Variants in IDH3B observed in about 807,000 individuals in gnomAD.
IDH3B encodes the protein isocitrate dehydrogenase [NAD] subunit beta, mitochondrial.
Under a neutral mutation model 47.5 loss-of-function variants are expected in IDH3B, and 40 were observed. The ratio of observed to expected loss-of-function variants is 0.84; its 90% CI spans 0.65 to 1.10. IDH3B has a LOEUF of 1.10. IDH3B is among the 50% of genes least tolerant of loss of function. IDH3B has a pLI of 0.00. For synonymous variants in IDH3B, 185 were observed against 191.0 expected (o/e 0.97, Z 0.26); for missense variants, 450 against 505.2 (o/e 0.89, Z 1.05).
rs1217066042 is a variant in IDH3B at position 2,660,260 on chromosome 20, C to T, written c.768+3G>A. 1.2e-6 allele frequency: 2 copies of T among 1,614,142 alleles called. No homozygotes were observed. Among genetic ancestry groups the T allele is most frequent in the Admixed American group, 1.7e-5 (1 of 60,028 alleles). The stretch of plus-strand genomic sequence containing the variant: ...CATGAGTAGAGATGTGGGGAGGCCT[C>T]ACCTGCATGCAGCAGTTGTCTATGA... On this transcript the variant is annotated splice_donor_region_variant and intron_variant, in intron 8 of 11. Transcript: ENST00000380843. This position sits in a 1 kb window ranked among gnomAD's most constrained non-coding sequence, Gnocchi z 5.6.
At chr20:2,659,391 A>G in intron 11 of IDH3B, 134 bp downstream of exon 11, 1 of 1,551,338 alleles carries the variant, frequency 6.4e-7, no homozygotes, top group Non-Finnish European at 8.9e-7. Flanking sequence ...GGATGCAGGG[A>G]TGTCAGGGAG....
chr20:2,659,686 T>C lies in IDH3B; in HGVS notation c.1010+13A>G, dbSNP rs754336674. 6.2e-7 allele frequency: 1 copy of C among 1,613,010 alleles called. No homozygotes were observed. The highest frequency in any genetic ancestry group is 8.5e-7 in the Non-Finnish European group (1 of 1,179,034). On this transcript the variant is annotated intron_variant, in intron 10 of 11. Transcript: ENST00000380843. Reference sequence around the variant, plus strand: ...CGACACCCAACCTCTGCCGACAGCCTCCCATGACCTACTTAAGATGCCGCA... The same window carrying C: ...CGACACCCAACCTCTGCCGACAGCCCCCCATGACCTACTTAAGATGCCGCA...
chr20:2,660,540 A>T lies in IDH3B; in HGVS notation c.582T>A (p.Ser194=). ...ECLKIVTRAK[S]QRIAKFAFDY... The stretch of plus-strand genomic sequence containing the variant: ...CAAAGGCGAACTTTGCAATCCGCTG[A>T]GACTTGGCTCGTGTGACAATCTTCA... Residue 194 remains serine (S), a synonymous_variant, in exon 7 of 12, where the codon TCT becomes TCA. Transcript: ENST00000380843. The surrounding 1 kb of genome is among the most constrained non-coding windows in gnomAD (Gnocchi z 5.6). 6.2e-7 allele frequency: 1 copy of T among 1,614,130 alleles called. No individual in the cohort carries two copies. Among genetic ancestry groups the T allele is most frequent in the Non-Finnish European group, 8.5e-7 (1 of 1,180,018 alleles).
At chr20:2,659,831 C>G in intron 9 of IDH3B, 38 bp from the exon 10 acceptor site, 1 of 1,528,522 alleles carries the variant, frequency 6.5e-7, no homozygotes, top group South Asian at 1.1e-5. Flanking sequence ...TGGGAGGAGG[C>G]AGGAGGGGTA....
chr20:2,658,950 AAG>A (rs2086878914), intron 11 of IDH3B, 113 bp from the exon 12 acceptor site: 1 of 1,531,698 alleles, frequency 6.5e-7, no homozygotes, highest in South Asian at 1.2e-5. Flanking sequence ...AGCCAGAAAA[AAG>A]GCAATGCACA....
intron 4 of IDH3B, among the ~76,000 whole-genome samples, chr20:2,663,019 C>T (rs1217039043): frequency 6.6e-6 from 1 of 151,580 alleles, no homozygotes; most frequent in Non-Finnish European, 1.5e-5. Flanking sequence ...CGCAGCTACT[C>T]AGGAGGCTGA....
rs866632435 is a variant in IDH3B, at chr20:2,658,759, C to T, written c.1150G>A (p.Gly384Arg). ...GGAAGAAATAAAGGGCTCTAGCTCCCTTTAGTCTGCAGGTGACCGATGACA... is the reference window on the plus strand; with the variant it reads ...GGAAGAAATAAAGGGCTCTAGCTCCTTTTAGTCTGCAGGTGACCGATGACA... Reference protein sequence around the residue: ...KSVIGHLQTKGS With the variant: ...KSVIGHLQTKRS Residue 384 changes from glycine to arginine, a missense_variant, in exon 12 of 12, where the codon GGG becomes AGG. Gly to Arg is a moderately radical substitution (Grantham distance 125). Transcript: ENST00000380843. 3.7e-6 allele frequency: 6 copies of T among 1,614,168 alleles called. No individual in the cohort carries two copies. The highest frequency in any genetic ancestry group is 5.1e-6 in the Non-Finnish European group (6 of 1,180,030).
chr20:2,661,065 C>A, intron 4 of IDH3B, 96 bp from the exon 5 acceptor site: 1 of 1,005,686 alleles, frequency 9.9e-7, no homozygotes, highest in Non-Finnish European at 1.6e-6. Context: ...TCATGTAACC[C>A]AGACTCCCAT....
rs766500760 is a variant in IDH3B, at chr20:2,660,330, TCA to T, written c.699_700del (p.Cys233Ter). 1.9e-6 allele frequency: 3 copies of T among 1,614,134 alleles called. No individual in the cohort carries two copies. The highest frequency in any genetic ancestry group is 2.5e-6 in the Non-Finnish European group (3 of 1,180,016). ...TTTGGGGTACAGTTCAGCAACTTCC[TCA>T]CAGCACTGCAGGAACAACCCATCCC... On this transcript the variant is annotated stop_gained and frameshift_variant, in exon 8 of 12. Coordinates refer to ENST00000380843, the MANE Select transcript of IDH3B (RefSeq NM_006899.5). LOFTEE classifies it high-confidence loss of function. The surrounding 1 kb of genome is among the most constrained non-coding windows in gnomAD (Gnocchi z 5.6).
intron 4 of IDH3B, 93 bp downstream of exon 4, chr20:2,663,353 T>G: frequency 6.9e-7 from 1 of 1,455,332 alleles, no homozygotes; most frequent in Non-Finnish European, 9.6e-7. Context: ...GGAGTTAATA[T>G]AATTGCATAG....
At chr20:2,662,013 G>A (rs1030190016) in intron 4 of IDH3B, among the ~76,000 whole-genome samples, 3 of 152,124 alleles carry the variant, frequency 2.0e-5, no homozygotes, top group Non-Finnish European at 4.4e-5. Flanking sequence ...TTGGAGTGAT[G>A]CATCTACAAG....
chr20:2,664,015 G>T lies in IDH3B; in HGVS notation c.37-10C>A, dbSNP rs1439993127. 2 of 1,613,882 alleles carry T rather than the reference G, an allele frequency of 1.2e-6. No homozygotes were observed. Among genetic ancestry groups the T allele is most frequent in the Middle Eastern group, 1.7e-4 (1 of 6,060 alleles). On this transcript the variant is annotated splice_polypyrimidine_tract_variant and intron_variant, in intron 1 of 11. Transcript: ENST00000380843. Reference sequence around the variant, plus strand: ...CGGCGGAGACCAGCGCCTGCAACAGGGACACACAAGCCTGTAAGGTCAGCT... The same window carrying T: ...CGGCGGAGACCAGCGCCTGCAACAGTGACACACAAGCCTGTAAGGTCAGCT...
At position 2,658,656 on chromosome 20, in the gene IDH3B, T is replaced by C. The variant is rs1203579874; in HGVS notation, c.*95A>G. ...GCTCTACCCAGCAAGGTGACCATGG[T>C]CCACTGCTTAGAGGCACAAGGTCTC... On this transcript the variant is annotated 3_prime_UTR_variant, in exon 12 of 12. Coordinates refer to ENST00000380843, the MANE Select transcript of IDH3B (RefSeq NM_006899.5). 19 of 1,613,812 alleles carry C rather than the reference T, an allele frequency of 1.2e-5. No homozygotes were observed. The highest frequency in any genetic ancestry group is 1.6e-5 in the Non-Finnish European group (19 of 1,179,888).
intron 3 of IDH3B, 40 bp downstream of exon 3, chr20:2,663,620 C>T: frequency 6.2e-7 from 1 of 1,614,154 alleles, no homozygotes; most frequent in Non-Finnish European, 8.5e-7. Context: ...CTTTCCAACA[C>T]ACTACTGTCC....
At chr20:2,661,007 G>C (rs376578502) in intron 4 of IDH3B, 38 bp from the exon 5 acceptor site, 1 of 1,596,500 alleles carries the variant, frequency 6.3e-7, no homozygotes, top group Non-Finnish European at 8.6e-7. Context: ...GTCAGCCACA[G>C]GCCAAGCCCA....
Position 2,659,543 on chromosome 20 carries a change from C to T in IDH3B, c.1053G>A (p.Lys351=). 6.2e-7 allele frequency: 1 copy of T among 1,614,194 alleles called. No homozygotes were observed. Among genetic ancestry groups the T allele is most frequent in the Non-Finnish European group, 8.5e-7 (1 of 1,179,992 alleles). Residue 351 remains lysine, a synonymous_variant, in exon 11 of 12, where the codon AAG becomes AAA. Coordinates refer to ENST00000380843, the MANE Select transcript of IDH3B (RefSeq NM_006899.5). The part of the protein sequence containing the change: ...HSSMIADAVK[K]VIKVGKVRTR... Reference sequence around the variant, plus strand: ...AACTCACCTTGCCAACTTTGATCACCTTCTTCACCGCATCTGCGATCATGC... The same window carrying T: ...AACTCACCTTGCCAACTTTGATCACTTTCTTCACCGCATCTGCGATCATGC...
chr20:2,660,089 C>G lies in IDH3B; in HGVS notation c.856G>C (p.Gly286Arg). Residue 286 changes from glycine to arginine, a missense_variant, in exon 9 of 12, where the codon GGG becomes CGG. Gly to Arg is a moderately radical substitution (Grantham distance 125). Coordinates refer to ENST00000380843, the MANE Select transcript of IDH3B (RefSeq NM_006899.5). The surrounding 1 kb of genome is among the most constrained non-coding windows in gnomAD (Gnocchi z 5.6). ...TCACCAGGGACCACACCAGCTCCCC[C>G]AACCAGGCCAGCAGCCAGATTGTCA... is the stretch of plus-strand genomic sequence containing the variant. ...IIDNLAAGLV[G>R]GAGVVPGESY... 6.2e-7 allele frequency: 1 copy of G among 1,614,144 alleles called. No homozygotes were observed. Among genetic ancestry groups the G allele is most frequent in the Non-Finnish European group, 8.5e-7 (1 of 1,180,032 alleles).
At chr20:2,661,242 G>A (rs2086943803) in intron 4 of IDH3B, among the ~76,000 whole-genome samples, 1 of 151,536 alleles carries the variant, frequency 6.6e-6, no homozygotes, top group Non-Finnish European at 1.5e-5. Context: ...TGTCGCCCAG[G>A]CTGGAGTGCA....
At chr20:2,659,938 G>A in intron 9 of IDH3B, 92 bp downstream of exon 9, 1 of 1,553,600 alleles carries the variant, frequency 6.4e-7, no homozygotes, top group Non-Finnish European at 8.9e-7. Flanking sequence ...GGAAGAACAG[G>A]CCAAGATCAC....
Sources: allele counts gnomAD v4.1 joint callset (sites outside exome capture counted in the v4.1 genomes callset), GRCh38; gene constraint gnomAD v4.1.1; non-coding constraint Gnocchi (gnomAD v3.1); transcripts MANE v1.5; gene names NCBI Gene and HGNC (gene_info 2026-07-23, HGNC 2026-07-21).